Variants in MGAT5 observed in about 807,000 individuals in gnomAD.
MGAT5 encodes alpha-1,6-mannosylglycoprotein 6-beta-N-acetylglucosaminyltransferase.
MGAT5 carries 30 observed loss-of-function variants against 94.3 expected under a neutral mutation model. The ratio of observed to expected loss-of-function variants is 0.32; its 90% CI spans 0.24 to 0.43. MGAT5 has a LOEUF of 0.43. MGAT5 is among the 20% of genes least tolerant of loss of function. MGAT5 has a pLI of 1.00. For missense variants in MGAT5, 691 were observed against 905.5 expected, an observed-to-expected ratio of 0.76 and a Z score of 3.04; for synonymous variants, 310 against 322.9, an observed-to-expected ratio of 0.96 and a Z score of 0.43.
intron 1 of MGAT5, among the ~76,000 whole-genome samples, chr2:134,259,611 CTT>C (rs1683193675): frequency 6.6e-6 from 1 of 152,182 alleles, no homozygotes; most frequent in Non-Finnish European, 1.5e-5. Flanking sequence ...CCCCATCCCA[CTT>C]TGCCTGCTGC....
intron 1 of MGAT5, among the ~76,000 whole-genome samples, chr2:134,208,358 T>C (rs1680121717): frequency 6.6e-6 from 1 of 152,240 alleles, no homozygotes. Flanking sequence ...TAACTATTAG[T>C]ATGTATGCTA....
At chr2:134,406,444 C>T (rs1314098978) in intron 11 of MGAT5, among the ~76,000 whole-genome samples, 1 of 152,176 alleles carries the variant, frequency 6.6e-6, no homozygotes, top group East Asian at 1.9e-4. Flanking sequence ...TATCAGCTTA[C>T]CTGTGGGACT....
At chr2:134,379,064 G>A (rs1681376389) in intron 10 of MGAT5, among the ~76,000 whole-genome samples, 1 of 152,164 alleles carries the variant, frequency 6.6e-6, no homozygotes, top group South Asian at 2.1e-4. Flanking sequence ...AAATCCTCAT[G>A]ATAACATGGA....
chr2:134,383,048 G>GT (rs1286340332), intron 10 of MGAT5, among the ~76,000 whole-genome samples: 1 of 152,212 alleles, frequency 6.6e-6, no homozygotes, highest in Middle Eastern at 3.2e-3. Flanking sequence ...ATTTGGGGTA[G>GT]TCAAGGTACC....
At chr2:134,252,692 GGTAGATA>G, upstream of MGAT5, among the ~76,000 whole-genome samples, 1 of 152,316 alleles carries the variant, frequency 6.6e-6, no homozygotes, top group Admixed American at 6.5e-5. Context: ...TCTGTTAAGA[GGTAGATA>G]GTAAATATTT....
chr2:134,245,073 C>T (rs1234376401), intron 1 of MGAT5, among the ~76,000 whole-genome samples: 1 of 152,192 alleles, frequency 6.6e-6, no homozygotes, highest in Non-Finnish European at 1.5e-5. Flanking sequence ...AGTGCAGTGG[C>T]GCGATCTCGG....
In MGAT5 at chr2:134,399,818, GAT is replaced by G. The variant is rs539156665; in HGVS notation, c.1381-3169_1381-3168del. On this transcript the variant is annotated intron_variant, in intron 10 of 15. Transcript: ENST00000281923. ...TATGGTCACCTTCACCCTGGGCCTG[GAT>G]GACCAAAGTAAGGGAAGGGAAGGGG... Among the ~76,000 whole-genome samples the G allele has an allele frequency of 5.3e-3, 813 of 152,280 alleles. 11 individuals carry two copies. The highest frequency in any genetic ancestry group is 0.018 in the African/African-American group (768 of 41,542).
chr2:134,200,136 A>G (rs1229336920), intron 1 of MGAT5, among the ~76,000 whole-genome samples: 1 of 134,350 alleles, frequency 7.4e-6, no homozygotes, highest in Non-Finnish European at 1.6e-5. Context: ...CTGCCTCCCT[A>G]CCCCGCCCCC....
chr2:134,280,864 G>C (rs1015782112), intron 2 of MGAT5, among the ~76,000 whole-genome samples: 2 of 152,216 alleles, frequency 1.3e-5, no homozygotes, highest in African/African-American at 4.8e-5. Context: ...CGCTTCTTAA[G>C]TGTCCAACTC....
At chr2:134,380,131 G>C (rs539247259) in intron 10 of MGAT5, among the ~76,000 whole-genome samples, 36 of 152,328 alleles carry the variant, frequency 2.4e-4, no homozygotes, top group Non-Finnish European at 4.3e-4. Flanking sequence ...CAAGGAGCGT[G>C]TTGTTCAGAC....
intron 1 of MGAT5, among the ~76,000 whole-genome samples, chr2:134,151,671 G>C (rs1248200423): frequency 1.6e-5 from 1 of 64,278 alleles, no homozygotes; most frequent in South Asian, 5.5e-4. Flanking sequence ...CTCATGCCCT[G>C]TGGGACCCAC....
intron 1 of MGAT5, among the ~76,000 whole-genome samples, chr2:134,247,023 G>C (rs1682310724): frequency 6.6e-6 from 1 of 152,182 alleles, no homozygotes; most frequent in South Asian, 2.1e-4. Context: ...TGCAAGGTTA[G>C]CACCCAGTTG....
chr2:134,226,599 A>G (rs545009730), intron 1 of MGAT5, among the ~76,000 whole-genome samples: 59 of 152,292 alleles, frequency 3.9e-4, no homozygotes, highest in African/African-American at 1.2e-3. Flanking sequence ...ACACATGTAA[A>G]ATGGGAAGCA....
intron 1 of MGAT5, among the ~76,000 whole-genome samples, chr2:134,183,927 A>G (rs1688874295): frequency 6.6e-6 from 1 of 152,200 alleles, no homozygotes; most frequent in African/African-American, 2.4e-5. Context: ...ACGAAAATGA[A>G]CAGTTCTAGC....
chr2:134,212,932 G>A (rs1212172907), intron 1 of MGAT5, among the ~76,000 whole-genome samples: 11 of 152,312 alleles, frequency 7.2e-5, no homozygotes, highest in Non-Finnish European at 1.5e-4. Context: ...CTTGAATGCC[G>A]AGCTTCACTG....
At chr2:134,389,606 T>G (rs943221919) in intron 10 of MGAT5, among the ~76,000 whole-genome samples, 1 of 152,192 alleles carries the variant, frequency 6.6e-6, no homozygotes, top group African/African-American at 2.4e-5. Context: ...CATGCACATA[T>G]GGTGTCTAAT....
intron 1 of MGAT5, among the ~76,000 whole-genome samples, chr2:134,262,456 C>T (rs1474029807): frequency 6.6e-6 from 1 of 151,898 alleles, no homozygotes; most frequent in Admixed American, 6.6e-5. Context: ...ATTGCCCAGG[C>T]TGGTCTCAAA....
chr2:134,363,125 A>AT (rs143525664), intron 10 of MGAT5, among the ~76,000 whole-genome samples: 21 of 151,870 alleles, frequency 1.4e-4, no homozygotes, highest in African/African-American at 4.1e-4. Flanking sequence ...AAATGTCATA[A>AT]TTTTTTTTTG....
intron 10 of MGAT5, among the ~76,000 whole-genome samples, chr2:134,392,446 G>C (rs909978931): frequency 4.6e-5 from 7 of 152,138 alleles, no homozygotes; most frequent in African/African-American, 1.7e-4. Flanking sequence ...GTCCTTTAAA[G>C]GGACCTTACG....
Sources: gnomAD v4.1 joint callset for allele counts (sites outside exome capture counted in the v4.1 genomes callset) on GRCh38, gnomAD v4.1.1 for gene constraint, MANE v1.5 for transcripts, NCBI Gene and HGNC (gene_info 2026-07-23, HGNC 2026-07-21) for gene names.